Variants in PBX2 observed in about 807,000 individuals in gnomAD.
The protein encoded by PBX2 is PBX homeobox 2, also known as pre-B-cell leukemia transcription factor 2.
In PBX2, 10 loss-of-function variants were observed where a neutral mutation model predicts 46.5. The ratio of observed to expected loss-of-function variants is 0.21; its 90% CI spans 0.13 to 0.36. The LOEUF (loss-of-function observed/expected upper bound fraction) is 0.36. Ranked by LOEUF, PBX2 falls within the 10% of genes least tolerant of loss-of-function variation. PBX2 has a pLI of 1.00. For missense variants in PBX2, 392 were observed against 580.5 expected, an observed-to-expected ratio of 0.68 and a Z score of 3.34; for synonymous variants, 160 against 222.5, an observed-to-expected ratio of 0.72 and a Z score of 2.50.
rs1400091041 is a variant in PBX2, at chr6:32,187,941, G to A, written c.734+25C>T. 6 of 1,525,130 alleles carry A rather than the reference G, an allele frequency of 3.9e-6. No individual in the cohort carries two copies. In the East Asian group the frequency reaches 1.4e-4, roughly 36 times the overall value. The allele number at this position is 1,525,130 out of a possible 1,614,324, so 94.5% of individuals were successfully genotyped here. A position where few individuals can be genotyped will look rare whatever the true frequency, so the allele number is the denominator to read the frequency against. On this transcript the variant is annotated intron_variant, in intron 4 of 8. Coordinates refer to ENST00000375050, the MANE Select transcript of PBX2 (RefSeq NM_002586.5). The surrounding 1 kb of genome is among the most constrained non-coding windows in gnomAD (Gnocchi z 7.7). ...AATGGGAAGGAGCCCAGTGCTGGGGGCCAGCCTGGGGTCCCTGGGCCCACC... is the reference window on the plus strand; with the variant it reads ...AATGGGAAGGAGCCCAGTGCTGGGGACCAGCCTGGGGTCCCTGGGCCCACC...
rs1189059844 is a variant in PBX2 at position 32,187,257 on chromosome 6, G to T, written c.1009C>A (p.Pro337Thr). 1 of 1,612,858 alleles carries T rather than the reference G, an allele frequency of 6.2e-7. No individual in the cohort carries two copies. Among genetic ancestry groups the T allele is most frequent in the Middle Eastern group, 1.7e-4 (1 of 5,972 alleles). ...GGHSRTSSPT[P>T]PSSAGSGGSF... Reference sequence around the variant, plus strand: ...TGGGATCCACCTGCAGAGGAAGGGGGTGTCGGGGAGCTGGTGCGGCTGTGG... The same window carrying T: ...TGGGATCCACCTGCAGAGGAAGGGGTTGTCGGGGAGCTGGTGCGGCTGTGG... Residue 337 changes from proline to threonine, a missense_variant, in exon 6 of 9, where the codon CCC (proline) becomes ACC (threonine). This residue lies in a region of PBX2 where 116 missense variants were observed against 157.9 expected (regional missense o/e 0.73). Transcript: ENST00000375050. The surrounding 1 kb of genome is among the most constrained non-coding windows in gnomAD (Gnocchi z 7.7).
Position 32,189,722 on chromosome 6 carries a change from T to A in PBX2, c.194A>T (p.Asp65Val). ...DILQQIMTIT[D>V]QSLDEAQAKK... ...GGCCTGGGCCTCGTCCAGGCTCTGGTCGGTGATGGTCATTATCTGCTGCAG... is the reference window on the plus strand; with the variant it reads ...GGCCTGGGCCTCGTCCAGGCTCTGGACGGTGATGGTCATTATCTGCTGCAG... Residue 65 changes from aspartate to valine, a missense_variant, in exon 1 of 9, where the codon GAC (aspartate) becomes GTC (valine). Around this residue, in one of 3 missense-constraint regions of PBX2, gnomAD observed 196 missense variants for 246.9 expected, o/e 0.79. Coordinates refer to ENST00000375050, the MANE Select transcript of PBX2 (RefSeq NM_002586.5). The surrounding 1 kb of genome is among the most constrained non-coding windows in gnomAD (Gnocchi z 4.7). The A allele has an allele frequency of 6.2e-7, 1 of 1,609,712 alleles. No individual in the cohort carries two copies. Among genetic ancestry groups the A allele is most frequent in the Non-Finnish European group, 8.5e-7 (1 of 1,178,216 alleles).
rs1787272572 is a variant in PBX2, at chr6:32,188,923, G to A, written c.222-127C>T. 1 of 769,742 alleles carries A rather than the reference G, an allele frequency of 1.3e-6. No individual in the cohort carries two copies. The highest frequency in any genetic ancestry group is 1.7e-5 in the African/African-American group (1 of 58,420). 47.7% of individuals were successfully genotyped at this position (769,742 alleles called of 1,614,324 possible). On this transcript the variant is annotated intron_variant, in intron 1 of 8. Coordinates refer to ENST00000375050, the MANE Select transcript of PBX2 (RefSeq NM_002586.5). The surrounding 1 kb of genome is among the most constrained non-coding windows in gnomAD (Gnocchi z 6.5). Reference sequence around the variant, plus strand: ...AGGAAGCGGATTGGGGGTGGAATGAGTTGGGGGTGGAATGAGGAGTTCTTG... The same window carrying A: ...AGGAAGCGGATTGGGGGTGGAATGAATTGGGGGTGGAATGAGGAGTTCTTG...
rs1787254294 is a variant in PBX2, at chr6:32,188,650, T to C, written c.295+73A>G. On this transcript the variant is annotated intron_variant, in intron 2 of 8. Transcript: ENST00000375050. This position sits in a 1 kb window ranked among gnomAD's most constrained non-coding sequence, Gnocchi z 6.5. ...TCCTTACTTTCCTCAGGGCCCCAAG[T>C]TGTCACACTCTAGCCCTATAATGAA... The C allele has an allele frequency of 6.3e-7, 1 of 1,577,698 alleles. No individual in the cohort carries two copies. The highest frequency in any genetic ancestry group is 8.7e-7 in the Non-Finnish European group (1 of 1,150,092).
chr6:32,189,747 G>A lies in PBX2; in HGVS notation c.169C>T (p.Leu57=). ...GRGKQDIGDI[L]QQIMTITDQS... ...TCGGTGATGGTCATTATCTGCTGCA[G>A]AATGTCCCCGATGTCTTGCTTCCCT... The change falls in exon 1 of 9, where the codon CTG becomes TTG. Residue 57 remains leucine (L), a synonymous_variant. Transcript: ENST00000375050. This position sits in a 1 kb window ranked among gnomAD's most constrained non-coding sequence, Gnocchi z 4.7. The A allele has an allele frequency of 6.2e-7, 1 of 1,608,696 alleles. No homozygotes were observed. The highest frequency in any genetic ancestry group is 8.5e-7 in the Non-Finnish European group (1 of 1,177,876).
At position 32,186,697 on chromosome 6, in the gene PBX2, G is replaced by A. The variant is rs764528352; in HGVS notation, c.1114-7C>T. 1.9e-6 allele frequency: 3 copies of A among 1,610,434 alleles called. No homozygotes were observed. The highest frequency in any genetic ancestry group is 1.6e-4 in the Middle Eastern group (1 of 6,062). ...AGTGTCGGAGTGATTCCACCTGCAGGCAGCAGAGGAAGGTATGACAGTGAA... is the reference window on the plus strand; with the variant it reads ...AGTGTCGGAGTGATTCCACCTGCAGACAGCAGAGGAAGGTATGACAGTGAA... On this transcript the variant is annotated splice_region_variant and splice_polypyrimidine_tract_variant and intron_variant, in intron 7 of 8. Transcript: ENST00000375050. This position sits in a 1 kb window ranked among gnomAD's most constrained non-coding sequence, Gnocchi z 4.2.
chr6:32,187,071 A>G lies in PBX2; in HGVS notation c.1025-170T>C, dbSNP rs929644775. On this transcript the variant is annotated intron_variant, in intron 6 of 8. Coordinates refer to ENST00000375050, the MANE Select transcript of PBX2 (RefSeq NM_002586.5). This position sits in a 1 kb window ranked among gnomAD's most constrained non-coding sequence, Gnocchi z 7.7. ...CTTGGCCACCCGTGGGAAGAAAGGCAGAACTAAGATCACTGGAATGGCCTC... is the reference window on the plus strand; with the variant it reads ...CTTGGCCACCCGTGGGAAGAAAGGCGGAACTAAGATCACTGGAATGGCCTC... The G allele has an allele frequency of 1.5e-5, 15 of 1,031,776 alleles. No homozygotes were observed. In the South Asian group the frequency reaches 2.0e-4, roughly 14 times the overall value. The allele number at this position is 1,031,776 out of a possible 1,614,324, so 63.9% of individuals were successfully genotyped here.
Position 32,189,074 on chromosome 6 carries a change from T to C in PBX2, c.222-278A>G, listed in dbSNP as rs1787279460. 1.9e-6 allele frequency: 1 copy of C among 520,092 alleles called. No individual in the cohort carries two copies. The highest frequency in any genetic ancestry group is 1.9e-5 in the African/African-American group (1 of 52,852). The allele number at this position is 520,092 out of a possible 1,614,324, so 32.2% of individuals were successfully genotyped here. A position where few individuals can be genotyped will look rare whatever the true frequency, so the allele number is the denominator to read the frequency against. Reference sequence around the variant, plus strand: ...GTCTAGAAAGGTAGGAGGAGGAATCTGGGAGTGGATGGAGAAAGGAAAGTG... The same window carrying C: ...GTCTAGAAAGGTAGGAGGAGGAATCCGGGAGTGGATGGAGAAAGGAAAGTG... On this transcript the variant is annotated intron_variant, in intron 1 of 8. Transcript: ENST00000375050. This position sits in a 1 kb window ranked among gnomAD's most constrained non-coding sequence, Gnocchi z 4.7.
In PBX2 at chr6:32,187,673, T is replaced by G. The variant is rs1274595543; in HGVS notation, c.844A>C (p.Lys282Gln). The change falls in exon 5 of 9, where the codon AAG (lysine) becomes CAG (glutamine). Residue 282 changes from lysine (K) to glutamine (Q), a missense_variant. Lys to Gln is a moderately conservative substitution (Grantham distance 53, BLOSUM62 1). Transcript: ENST00000375050. The surrounding 1 kb of genome is among the most constrained non-coding windows in gnomAD (Gnocchi z 7.7). ...TGAGACACGGTGATGCCACACTTCTTGGCAAGCTCCTCCTTGGCCTCCTCA... is the reference window on the plus strand; with the variant it reads ...TGAGACACGGTGATGCCACACTTCTGGGCAAGCTCCTCCTTGGCCTCCTCA... Reference protein sequence around the residue: ...PSEEAKEELAKKCGITVSQVS... With the variant: ...PSEEAKEELAQKCGITVSQVS... 2 of 1,600,402 alleles carry G rather than the reference T, an allele frequency of 1.2e-6. No homozygotes were observed.
In PBX2 at chr6:32,189,042, G is replaced by C; in HGVS notation, c.222-246C>G. 1.8e-6 allele frequency: 1 copy of C among 548,134 alleles called. No individual in the cohort carries two copies. The allele number at this position is 548,134 out of a possible 1,614,324, so 34.0% of individuals were successfully genotyped here. On this transcript the variant is annotated intron_variant, in intron 1 of 8. Coordinates refer to ENST00000375050, the MANE Select transcript of PBX2 (RefSeq NM_002586.5). This position sits in a 1 kb window ranked among gnomAD's most constrained non-coding sequence, Gnocchi z 4.7. ...AGCAGGTTAAAGGCTGCGGGCTTTG[G>C]GAGATGGTCTAGAAAGGTAGGAGGA...
At position 32,190,171 on chromosome 6, in the gene PBX2, G is replaced by C. The variant is rs1430925965; in HGVS notation, c.-256C>G. 2.8e-6 allele frequency: 1 copy of C among 359,176 alleles called. No homozygotes were observed. Among genetic ancestry groups the C allele is most frequent in the African/African-American group, 2.1e-5 (1 of 47,054 alleles). 22.2% of individuals were successfully genotyped at this position (359,176 alleles called of 1,614,324 possible). A position where few individuals can be genotyped will look rare whatever the true frequency, so the allele number is the denominator to read the frequency against. ...GAGAGAGAGAGGAGGCCCAAGCGGG[G>C]GTGTGTGTGAGAGAGAGGGAGGAGG... On this transcript the variant is annotated 5_prime_UTR_variant, in exon 1 of 9. Coordinates refer to ENST00000375050, the MANE Select transcript of PBX2 (RefSeq NM_002586.5).
In PBX2 at chr6:32,188,715, C is replaced by A; in HGVS notation, c.295+8G>T. On this transcript the variant is annotated splice_region_variant and intron_variant, in intron 2 of 8. Transcript: ENST00000375050. This position sits in a 1 kb window ranked among gnomAD's most constrained non-coding sequence, Gnocchi z 6.5. ...CAGAGTTGAGCAATCCGGGGGGGGC[C>A]CACATACCAGTTTTCTCCTTGATTT... 6.2e-7 allele frequency: 1 copy of A among 1,612,660 alleles called. No homozygotes were observed. The highest frequency in any genetic ancestry group is 8.5e-7 in the Non-Finnish European group (1 of 1,179,746).
At position 32,189,977 on chromosome 6, in the gene PBX2, T is replaced by G; in HGVS notation, c.-62A>C. The stretch of plus-strand genomic sequence containing the variant: ...GCCCCTCCCCCCGCCTGGTTACTTC[T>G]CCCCCCAAACTCGCTGGGGCCGCTG... On this transcript the variant is annotated 5_prime_UTR_variant, in exon 1 of 9. Coordinates refer to ENST00000375050, the MANE Select transcript of PBX2 (RefSeq NM_002586.5). This position sits in a 1 kb window ranked among gnomAD's most constrained non-coding sequence, Gnocchi z 4.7. 2.7e-6 allele frequency: 2 copies of G among 728,398 alleles called. No homozygotes were observed. Among genetic ancestry groups the G allele is most frequent in the Non-Finnish European group, 2.0e-6 (1 of 491,798 alleles). The allele number at this position is 728,398 out of a possible 1,614,324, so 45.1% of individuals were successfully genotyped here. A position where few individuals can be genotyped will look rare whatever the true frequency, so the allele number is the denominator to read the frequency against.
chr6:32,186,276 T>C lies in PBX2; in HGVS notation c.*106A>G, dbSNP rs1332148738. ...GGGAGGGGATGACCCCATTGGCCCT[T>C]CTCTGTCTTGTGCTTCTCCTGTATT... is the stretch of plus-strand genomic sequence containing the variant. On this transcript the variant is annotated 3_prime_UTR_variant, in exon 9 of 9. Coordinates refer to ENST00000375050, the MANE Select transcript of PBX2 (RefSeq NM_002586.5). The surrounding 1 kb of genome is among the most constrained non-coding windows in gnomAD (Gnocchi z 4.2). 1.3e-6 allele frequency: 1 copy of C among 746,984 alleles called. No individual in the cohort carries two copies. The highest frequency in any genetic ancestry group is 1.7e-5 in the African/African-American group (1 of 57,428). The allele number at this position is 746,984 out of a possible 1,614,324, so 46.3% of individuals were successfully genotyped here.
rs1787291756 is a variant in PBX2, at chr6:32,189,318, T to G, written c.221+377A>C. 1.3e-5 allele frequency among the ~76,000 whole-genome samples: 2 copies of G among 148,532 alleles called. No individual in the cohort carries two copies. The highest frequency in any genetic ancestry group is 5.0e-5 in the African/African-American group (2 of 40,078). On this transcript the variant is annotated intron_variant, in intron 1 of 8. Transcript: ENST00000375050. The surrounding 1 kb of genome is among the most constrained non-coding windows in gnomAD (Gnocchi z 4.7). The stretch of plus-strand genomic sequence containing the variant: ...AGGGGCTCTGGAGAGGGTGTGGAGG[T>G]CTCCACATCTGGAGAGAATGAGGGG...
At position 32,189,804 on chromosome 6, in the gene PBX2, C is replaced by G; in HGVS notation, c.112G>C (p.Gly38Arg). The G allele has an allele frequency of 6.3e-7, 1 of 1,595,604 alleles. No individual in the cohort carries two copies. The change falls in exon 1 of 9, where the codon GGT becomes CGT. Residue 38 changes from glycine to arginine, a missense_variant. Gly to Arg is a moderately radical substitution (Grantham distance 125, BLOSUM62 -2). Coordinates refer to ENST00000375050, the MANE Select transcript of PBX2 (RefSeq NM_002586.5). This position sits in a 1 kb window ranked among gnomAD's most constrained non-coding sequence, Gnocchi z 4.7. ...PGEPPGGGDP[G>R]GGSGGVPGGR... ...CCCGGGACCCCCCCGCTACCCCCAC[C>G]GGGGTCTCCGCCACCGGGAGGCTCG...
At position 32,188,996 on chromosome 6, in the gene PBX2, A is replaced by G; in HGVS notation, c.222-200T>C. ...ATGGGGAAGCTCCTCAGCTTCAGGGAGACACAGGGAAGATGCAGGCAGCAG... is the reference window on the plus strand; with the variant it reads ...ATGGGGAAGCTCCTCAGCTTCAGGGGGACACAGGGAAGATGCAGGCAGCAG... On this transcript the variant is annotated intron_variant, in intron 1 of 8. Transcript: ENST00000375050. The surrounding 1 kb of genome is among the most constrained non-coding windows in gnomAD (Gnocchi z 6.5). 1.7e-6 allele frequency: 1 copy of G among 584,432 alleles called. No homozygotes were observed. The highest frequency in any genetic ancestry group is 3.1e-6 in the Non-Finnish European group (1 of 325,308). 36.2% of individuals were successfully genotyped at this position (584,432 alleles called of 1,614,324 possible).
In PBX2 at chr6:32,186,019, A is replaced by C; in HGVS notation, c.*363T>G. The C allele has an allele frequency of 4.1e-6, 1 of 241,768 alleles. No homozygotes were observed. The highest frequency in any genetic ancestry group is 5.0e-5 in the Admixed American group (1 of 19,810). 15.0% of individuals were successfully genotyped at this position (241,768 alleles called of 1,614,324 possible). Reference sequence around the variant, plus strand: ...TGGGGGAGCCCAGGAGAGAAACAGAATAGTTGCAAGTGGGAGTATGTGTGT... The same window carrying C: ...TGGGGGAGCCCAGGAGAGAAACAGACTAGTTGCAAGTGGGAGTATGTGTGT... On this transcript the variant is annotated 3_prime_UTR_variant, in exon 9 of 9. Transcript: ENST00000375050. The surrounding 1 kb of genome is among the most constrained non-coding windows in gnomAD (Gnocchi z 4.2).
chr6:32,188,614 G>C lies in PBX2; in HGVS notation c.295+109C>G. The C allele has an allele frequency of 6.4e-7, 1 of 1,573,392 alleles. No individual in the cohort carries two copies. The highest frequency in any genetic ancestry group is 1.1e-5 in the South Asian group (1 of 88,370). ...TTCCCAGGCTTTGGTTCCTTCCCCA[G>C]TCCCCCTGACTCCTTACTTTCCTCA... On this transcript the variant is annotated intron_variant, in intron 2 of 8. Coordinates refer to ENST00000375050, the MANE Select transcript of PBX2 (RefSeq NM_002586.5). The surrounding 1 kb of genome is among the most constrained non-coding windows in gnomAD (Gnocchi z 6.5).
Sources: allele counts gnomAD v4.1 joint callset (sites outside exome capture counted in the v4.1 genomes callset), GRCh38; gene constraint gnomAD v4.1.1; regional missense constraint gnomAD v4.1.1; non-coding constraint Gnocchi (gnomAD v3.1); transcripts MANE v1.5; gene names NCBI Gene and HGNC (gene_info 2026-07-23, HGNC 2026-07-21).